PPP1R9A: variants seen among roughly 807,000 people sequenced by gnomAD.
PPP1R9A encodes protein phosphatase 1 regulatory subunit 9A.
A neutral mutation model predicts 141.9 loss-of-function variants in PPP1R9A; 59 were observed. The ratio of observed to expected loss-of-function variants is 0.42; its 90% CI spans 0.34 to 0.52. The LOEUF is 0.52. PPP1R9A is among the 20% of genes least tolerant of loss of function. PPP1R9A has a pLI of 0.10. For missense variants in PPP1R9A, 1,444 were observed against 1,611.9 expected (o/e 0.90, Z 1.78); for synonymous variants, 500 against 569.7 (o/e 0.88, Z 1.74).
intron 8 of PPP1R9A, among the ~76,000 whole-genome samples, chr7:95,235,468 T>C (rs1317486456): frequency 6.6e-6 from 1 of 152,084 alleles, no homozygotes; most frequent in African/African-American, 2.4e-5. Flanking sequence ...AATCACAATG[T>C]GATACCACCT....
intron 2 of PPP1R9A, among the ~76,000 whole-genome samples, chr7:94,974,364 T>C (rs115236658): frequency 6.6e-4 from 100 of 152,322 alleles, no homozygotes; most frequent in African/African-American, 2.2e-3. Flanking sequence ...AGAATAGTTT[T>C]ATAAGATGAA....
chr7:95,100,392 G>T (rs1229096214), intron 2 of PPP1R9A, among the ~76,000 whole-genome samples: 2 of 152,150 alleles, frequency 1.3e-5, no homozygotes, highest in African/African-American at 4.8e-5. Context: ...ATATGAATAT[G>T]TTGGGGATAC....
intron 5 of PPP1R9A, among the ~76,000 whole-genome samples, chr7:95,196,573 T>C (rs542350218): frequency 6.6e-6 from 1 of 152,180 alleles, no homozygotes; most frequent in South Asian, 2.1e-4. Context: ...AGTAGAAAAA[T>C]AGATAATCCA....
chr7:95,253,565 G>A (rs1327565007), intron 12 of PPP1R9A, among the ~76,000 whole-genome samples: 1 of 152,114 alleles, frequency 6.6e-6, no homozygotes, highest in South Asian at 2.1e-4. Flanking sequence ...TTAGCATTAC[G>A]ACTAAGTGAG....
At position 95,082,456 on chromosome 7, in the gene PPP1R9A, G is replaced by A. The variant is rs141738003; in HGVS notation, c.1396-28803G>A. Among the ~76,000 whole-genome samples the A allele has an allele frequency of 6.9e-3, 1,043 of 150,654 alleles. 6 individuals are homozygous for A. Among genetic ancestry groups the A allele is most frequent in the Middle Eastern group, 0.01 (3 of 294 alleles). The stretch of plus-strand genomic sequence containing the variant: ...GTGCACATTTAAAGTGTAGAGGGTA[G>A]AGACCTGGTGTGATGGGTGATTCCT... On this transcript the variant is annotated intron_variant, in intron 2 of 19. Coordinates refer to ENST00000433360, the MANE Select transcript of PPP1R9A (RefSeq NM_001166160.2).
At chr7:95,183,535 C>G (rs1251966371) in intron 5 of PPP1R9A, among the ~76,000 whole-genome samples, 2 of 148,942 alleles carry the variant, frequency 1.3e-5, no homozygotes, top group Non-Finnish European at 3.0e-5. Context: ...ACTGCAACCT[C>G]TGCCTCCCGG....
intron 2 of PPP1R9A, among the ~76,000 whole-genome samples, chr7:95,007,183 A>G (rs1485553131): frequency 1.3e-5 from 2 of 152,164 alleles, no homozygotes; most frequent in Admixed American, 6.5e-5. Flanking sequence ...TTGAATGGCC[A>G]TCCTAAATTT....
chr7:95,038,851 C>G (rs1275776821), intron 2 of PPP1R9A, among the ~76,000 whole-genome samples: 1 of 152,160 alleles, frequency 6.6e-6, no homozygotes, highest in Non-Finnish European at 1.5e-5. Context: ...GAAAGAACTT[C>G]AAGACACAAA....
chr7:95,222,820 CG>C (rs1309868341), intron 7 of PPP1R9A, among the ~76,000 whole-genome samples: 2 of 151,944 alleles, frequency 1.3e-5, no homozygotes, highest in Admixed American at 6.6e-5. Context: ...TCTAATTTTG[CG>C]GTTTACAACA....
chr7:94,909,088 T>C (rs1341433757), intron 1 of PPP1R9A, among the ~76,000 whole-genome samples: 1 of 152,234 alleles, frequency 6.6e-6, no homozygotes, highest in Non-Finnish European at 1.5e-5. Context: ...CAAGCATGCA[T>C]TGCGTTGCGT....
intron 7 of PPP1R9A, among the ~76,000 whole-genome samples, chr7:95,209,129 T>C (rs1791539003): frequency 6.6e-6 from 1 of 152,164 alleles, no homozygotes; most frequent in African/African-American, 2.4e-5. Context: ...TATATAATTA[T>C]TCATTATGTT....
At chr7:95,133,088 C>G (rs1824955516) in intron 4 of PPP1R9A, among the ~76,000 whole-genome samples, 1 of 152,156 alleles carries the variant, frequency 6.6e-6, no homozygotes, top group African/African-American at 2.4e-5. Context: ...AGAAGGAGAT[C>G]TCTCAGCAGA....
At chr7:95,269,605 C>A in intron 14 of PPP1R9A, 98 bp downstream of exon 14, 1 of 917,454 alleles carries the variant, frequency 1.1e-6, no homozygotes, top group Non-Finnish European at 1.6e-6. Context: ...TTTCTCATAG[C>A]TAATAATTAA....
chr7:94,986,635 A>T (rs967343643), intron 2 of PPP1R9A, among the ~76,000 whole-genome samples: 1 of 152,238 alleles, frequency 6.6e-6, no homozygotes, highest in Admixed American at 6.5e-5. Flanking sequence ...GCACAAAATG[A>T]TAAATGTTTG....
intron 9 of PPP1R9A, among the ~76,000 whole-genome samples, chr7:95,248,050 G>A (rs950894587): frequency 2.6e-5 from 4 of 151,002 alleles, no homozygotes; most frequent in African/African-American, 9.7e-5. Context: ...TTAAATTTGT[G>A]GGGGAGAAAA....
At chr7:94,921,153 A>T (rs1277241953) in intron 2 of PPP1R9A, among the ~76,000 whole-genome samples, 1 of 151,980 alleles carries the variant, frequency 6.6e-6, no homozygotes, top group South Asian at 2.1e-4. Flanking sequence ...AGTTTTTAAG[A>T]TCTGTTTTTG....
intron 2 of PPP1R9A, among the ~76,000 whole-genome samples, chr7:95,070,593 G>GTATATATATATATATA (rs71961632): frequency 0.015 from 1,666 of 111,724 alleles, 108 homozygotes; most frequent in African/African-American, 0.024. Flanking sequence ...TAAATCTCTG[G>GTATATATATATATATA]TATATATATA....
chr7:95,214,950 T>G (rs1049488439), intron 7 of PPP1R9A, among the ~76,000 whole-genome samples: 1 of 151,730 alleles, frequency 6.6e-6, no homozygotes, highest in African/African-American at 2.4e-5. Context: ...GAGAATGGAG[T>G]GAAAAATCAG....
At chr7:94,975,717 G>A (rs1799374278) in intron 2 of PPP1R9A, among the ~76,000 whole-genome samples, 1 of 151,980 alleles carries the variant, frequency 6.6e-6, no homozygotes. Flanking sequence ...TTATTGAGTT[G>A]ATATTTTTGT....
Sources: allele counts gnomAD v4.1 joint callset (sites outside exome capture counted in the v4.1 genomes callset), GRCh38; gene constraint gnomAD v4.1.1; transcripts MANE v1.5; gene names NCBI Gene and HGNC (gene_info 2026-07-23, HGNC 2026-07-21).